ZNF232: variants seen among roughly 807,000 people sequenced by gnomAD.
The protein encoded by ZNF232 is zinc finger protein 232.
Under a neutral mutation model 25.2 loss-of-function variants are expected in ZNF232, and 25 were observed. The observed-to-expected ratio is 0.99, with a 90% confidence interval of 0.72 to 1.39. The LOEUF (loss-of-function observed/expected upper bound fraction) is 1.39. Ranked by LOEUF, ZNF232 falls within the 40% of genes most tolerant of loss-of-function variation. The probability of loss-of-function intolerance (pLI) is 0.00; values close to 1 mark genes in which losing one functional copy is unlikely to be tolerated. For synonymous variants in ZNF232, 193 were observed against 182.9 expected (o/e 1.06, Z -0.45); for missense variants, 519 against 520.9 (o/e 1.00, Z 0.04).
upstream of ZNF232, chr17:5,112,429 GT>G (rs141668696): frequency 0.063 from 9,530 of 151,992 alleles, 298 homozygotes; most frequent in Admixed American, 0.096. Flanking sequence ...AGGGGTTGGT[GT>G]TTTTTTGTTG....
In ZNF232 at chr17:5,122,603, C is replaced by G. The variant is rs562683143; in HGVS notation, c.-530+374G>C. 7.5e-3 allele frequency among the ~76,000 whole-genome samples: 1,135 copies of G among 152,348 alleles called. 22 individuals carry two copies. The highest frequency in any genetic ancestry group is 0.025 in the African/African-American group (1,044 of 41,572). On this transcript the variant is annotated intron_variant, in intron 1 of 4. Transcript: ENST00000250076. ...CTCCCCAGCCCAACCCAGCCCCGAC[C>G]CTCCGCTGCGGGGCCCTCCCGGAAC...
chr17:5,113,919 C>CTG (rs1218617604), upstream of ZNF232: 1 of 152,094 alleles, frequency 6.6e-6, no homozygotes, highest in African/African-American at 2.4e-5. Context: ...TGTGGAACCT[C>CTG]TCATGATAAA....
intron 3 of ZNF232, among the ~76,000 whole-genome samples, chr17:5,106,914 A>G (rs555493780): frequency 6.6e-6 from 1 of 152,248 alleles, no homozygotes; most frequent in South Asian, 2.1e-4. Context: ...AAAGGCAAAA[A>G]AAACTGTGCC....
intron 3 of ZNF232, among the ~76,000 whole-genome samples, chr17:5,107,311 C>A (rs995594248): frequency 1.4e-5 from 2 of 145,196 alleles, no homozygotes; most frequent in African/African-American, 2.6e-5. Context: ...TGGCGTGAAC[C>A]CGGGAAGTGG....
chr17:5,120,208 G>A (rs1240525548), intron 1 of ZNF232, among the ~76,000 whole-genome samples: 2 of 152,278 alleles, frequency 1.3e-5, no homozygotes, highest in South Asian at 4.2e-4. Flanking sequence ...TTGCTAATGG[G>A]GCCTGGCACG....
In ZNF232 at chr17:5,120,348, G is replaced by A. The variant is rs375122055; in HGVS notation, c.-530+2629C>T. On this transcript the variant is annotated intron_variant, in intron 1 of 4. Coordinates refer to the ZNF232 transcript ENST00000250076. Reference sequence around the variant, plus strand: ...GTGGTCATCCTCCACTGTGCTGGGGGGTTGTTATCTCTCAGGGCTTAGCAC... The same window carrying A: ...GTGGTCATCCTCCACTGTGCTGGGGAGTTGTTATCTCTCAGGGCTTAGCAC... Among the ~76,000 whole-genome samples, 36 of 152,200 alleles carry A rather than the reference G, an allele frequency of 2.4e-4. 1 individual carries two copies. Among genetic ancestry groups the A allele is most frequent in the African/African-American group, 7.0e-4 (29 of 41,514 alleles).
At chr17:5,111,491 C>A (rs1197305107) in intron 1 of ZNF232, 2 of 481,226 alleles carry the variant, frequency 4.2e-6, no homozygotes, top group Non-Finnish European at 7.3e-6. Flanking sequence ...CTACCCCGGC[C>A]TCGGGCAGGT....
upstream of ZNF232, chr17:5,111,956 C>T (rs751728763): frequency 2.4e-4 from 331 of 1,353,174 alleles, no homozygotes; most frequent in Non-Finnish European, 3.0e-4. Flanking sequence ...GACTTTGGCC[C>T]AGGCGCGTGG....
chr17:5,108,644 G>C (rs745988973), intron 3 of ZNF232: 44 of 331,282 alleles, frequency 1.3e-4, no homozygotes, highest in Non-Finnish European at 2.3e-4. Context: ...TCCTGATTTA[G>C]GGCTCTCTAA....
intron 1 of ZNF232, chr17:5,111,063 A>G (rs1193052040): frequency 6.6e-6 from 1 of 152,208 alleles, no homozygotes. Flanking sequence ...TACACAAGAT[A>G]AGGTAGACAT....
upstream of ZNF232, among the ~76,000 whole-genome samples, chr17:5,115,178 C>A (rs978773683): frequency 2.6e-5 from 3 of 113,308 alleles, no homozygotes; most frequent in African/African-American, 1.0e-4. Flanking sequence ...CTAGAGGCAT[C>A]TTTTGGGGGG....
upstream of ZNF232, among the ~76,000 whole-genome samples, chr17:5,116,221 A>C (rs545407841): frequency 7.2e-6 from 1 of 138,500 alleles, no homozygotes; most frequent in African/African-American, 2.5e-5. Context: ...CGAGACGCTC[A>C]TTGAGAGGAC....
At chr17:5,121,936 C>T (rs1258437860) in intron 1 of ZNF232, among the ~76,000 whole-genome samples, 3 of 152,054 alleles carry the variant, frequency 2.0e-5, no homozygotes, top group Non-Finnish European at 4.4e-5. Flanking sequence ...CAAGTTAAAG[C>T]GTCTGGATTA....
At chr17:5,118,068 C>CAA (rs57176092) in intron 1 of ZNF232, 8,106 of 109,006 alleles carry the variant, frequency 0.074, 757 homozygotes, top group African/African-American at 0.24. Flanking sequence ...GACTCCGTCT[C>CAA]AAAAAAAAAA....
At chr17:5,107,295 G>A (rs2072282912) in intron 3 of ZNF232, among the ~76,000 whole-genome samples, 2 of 149,046 alleles carry the variant, frequency 1.3e-5, no homozygotes, top group Admixed American at 6.7e-5. Context: ...GGCTGAGGCA[G>A]GAGAATGGCG....
chr17:5,105,953 T>C, exon 4 of ZNF232: 1 of 1,614,220 alleles, frequency 6.2e-7, no homozygotes, highest in Non-Finnish European at 8.5e-7. Context: ...GATGCTGACT[T>C]AGATATGAGC....
intron 3 of ZNF232, 94 bp downstream of exon 3, chr17:5,108,832 C>T (rs1436604226): frequency 6.4e-7 from 1 of 1,563,654 alleles, no homozygotes; most frequent in African/African-American, 1.4e-5. Context: ...AACATTTAAG[C>T]ACCTACTACT....
At chr17:5,116,038 C>A (rs972478721), upstream of ZNF232, among the ~76,000 whole-genome samples, 4 of 152,226 alleles carry the variant, frequency 2.6e-5, no homozygotes, top group African/African-American at 7.2e-5. Flanking sequence ...GAGGGGACAG[C>A]TAGCGGCGCG....
chr17:5,117,835 C>CAA (rs2072569240), intron 1 of ZNF232, among the ~76,000 whole-genome samples: 1 of 152,116 alleles, frequency 6.6e-6, no homozygotes, highest in African/African-American at 2.4e-5. Flanking sequence ...TGGCTCACAC[C>CAA]TGTAATCCCA....
Sources: gnomAD v4.1 joint callset for allele counts (sites outside exome capture counted in the v4.1 genomes callset) on GRCh38, gnomAD v4.1.1 for gene constraint, MANE v1.5 for transcripts, NCBI Gene and HGNC (gene_info 2026-07-23, HGNC 2026-07-21) for gene names.